The following LRRC53 variants were observed in gnomAD, a reference collection of about 807,000 sequenced individuals.
LRRC53 encodes leucine rich repeat containing 53.
LRRC53 carries 25 observed loss-of-function variants against 13.6 expected under a neutral mutation model. The observed-to-expected ratio is 1.83, with a 90% CI of 1.34 to 2.56. The LOEUF is 2.56. LRRC53 is among the 30% of genes most tolerant of loss of function. The pLI, the probability that LRRC53 is intolerant of heterozygous loss-of-function variation, is 0.00. For synonymous variants in LRRC53, 204 were observed against 109.8 expected, an observed-to-expected ratio of 1.86 and a Z score of -5.37; for missense variants, 527 against 275.8, an observed-to-expected ratio of 1.91 and a Z score of -6.45.
chr1:74,525,700 T>C, the LRRC53 span, among the ~76,000 whole-genome samples: 3 of 152,126 alleles, frequency 2.0e-5, no homozygotes, highest in Admixed American at 2.0e-4. Context: ...AATATGACCA[T>C]GGAGGCCTGG....
chr1:74,514,347 A>G (rs1008863697), upstream of LRRC53, among the ~76,000 whole-genome samples: 1 of 152,196 alleles, frequency 6.6e-6, no homozygotes, highest in African/African-American at 2.4e-5. Flanking sequence ...GCTTTTGGCA[A>G]TTTGTGTGAT....
At chr1:74,494,994 GC>G (rs1669254013) in intron 1 of LRRC53, among the ~76,000 whole-genome samples, 2 of 152,184 alleles carry the variant, frequency 1.3e-5, no homozygotes, top group African/African-American at 4.8e-5. Context: ...AGCTTCTCTA[GC>G]CTTCAAGAAT....
chr1:74,505,119 A>T (rs1669827716), intron 1 of LRRC53, among the ~76,000 whole-genome samples: 1 of 152,036 alleles, frequency 6.6e-6, no homozygotes, highest in South Asian at 2.1e-4. Flanking sequence ...GCCCGGGCCC[A>T]CTCTTAAGCA....
intron 4 of LRRC53, 59 bp downstream of exon 4, chr1:74,475,236 G>A (rs776793318): frequency 5.6e-5 from 34 of 611,170 alleles, no homozygotes; most frequent in Non-Finnish European, 9.2e-5. Context: ...AAGGAGGGAG[G>A]CTCCCTCCTT....
At chr1:74,485,895 C>G (rs145527996) in intron 1 of LRRC53, among the ~76,000 whole-genome samples, 1 of 152,120 alleles carries the variant, frequency 6.6e-6, no homozygotes, top group Non-Finnish European at 1.5e-5. Context: ...ACAACCAATG[C>G]GCTTAAAAGA....
the LRRC53 span, among the ~76,000 whole-genome samples, chr1:74,536,843 G>A: frequency 2.0e-5 from 3 of 152,056 alleles, no homozygotes; most frequent in African/African-American, 7.2e-5. Flanking sequence ...AATTCCTGAG[G>A]CAGCTGCATC....
chr1:74,495,023 T>A (rs1296581296), intron 1 of LRRC53, among the ~76,000 whole-genome samples: 1 of 152,226 alleles, frequency 6.6e-6, no homozygotes, highest in African/African-American at 2.4e-5. Flanking sequence ...TGTATACCAC[T>A]ACTAATTTTT....
the LRRC53 span, among the ~76,000 whole-genome samples, chr1:74,533,508 T>C: frequency 0.029 from 3,782 of 130,306 alleles, no homozygotes; most frequent in African/African-American, 0.036. Flanking sequence ...GTGTGGTGAT[T>C]CCTCAGGGAT....
intron 1 of LRRC53, among the ~76,000 whole-genome samples, chr1:74,509,451 A>C (rs1670067532): frequency 6.6e-6 from 1 of 152,180 alleles, no homozygotes; most frequent in African/African-American, 2.4e-5. Flanking sequence ...AGAACTAACA[A>C]ATCTAAATTT....
intron 1 of LRRC53, among the ~76,000 whole-genome samples, chr1:74,495,246 A>G (rs775965191): frequency 8.5e-5 from 13 of 152,240 alleles, no homozygotes; most frequent in Non-Finnish European, 1.9e-4. Flanking sequence ...TCAGTTTGTT[A>G]GTACCATTCC....
intron 1 of LRRC53, among the ~76,000 whole-genome samples, chr1:74,491,225 G>A (rs947536236): frequency 2.6e-5 from 4 of 152,082 alleles, no homozygotes; most frequent in African/African-American, 9.7e-5. Flanking sequence ...GTTTTTGTTT[G>A]TTTGTTTGTT....
chr1:74,521,106 G>T, the LRRC53 span, among the ~76,000 whole-genome samples: 1 of 152,128 alleles, frequency 6.6e-6, no homozygotes, highest in Non-Finnish European at 1.5e-5. Context: ...AATATTTTTA[G>T]ATAATGTCCT....
rs192960027 is a variant in LRRC53 at position 74,493,902 on chromosome 1, T to A, written c.-26-10527A>T. On this transcript the variant is annotated intron_variant, in intron 1 of 4. Transcript: ENST00000294635. ...ACATCAATAGGAAGAAAAAATATACTTGATTTTTAGTGGGAAGAATTGCAA... is the reference window on the plus strand; with the variant it reads ...ACATCAATAGGAAGAAAAAATATACATGATTTTTAGTGGGAAGAATTGCAA... 1.4e-3 allele frequency among the ~76,000 whole-genome samples: 211 copies of A among 152,318 alleles called. 3 individuals are homozygous for A. The highest frequency in any genetic ancestry group is 3.7e-4 in the Non-Finnish European group (25 of 68,030).
chr1:74,484,870 G>A (rs1477361924), intron 1 of LRRC53, among the ~76,000 whole-genome samples: 1 of 152,188 alleles, frequency 6.6e-6, no homozygotes, highest in Non-Finnish European at 1.5e-5. Flanking sequence ...TTTAACTACT[G>A]AGTTGGGAAC....
upstream of LRRC53, among the ~76,000 whole-genome samples, chr1:74,516,500 CTG>C (rs1646350082): frequency 6.6e-6 from 1 of 152,110 alleles, no homozygotes; most frequent in Non-Finnish European, 1.5e-5. Flanking sequence ...GTGAGAAAAA[CTG>C]TGAGAAAGAA....
At chr1:74,528,914 A>C in the LRRC53 span, among the ~76,000 whole-genome samples, 2 of 152,220 alleles carry the variant, frequency 1.3e-5, no homozygotes, top group African/African-American at 4.8e-5. Context: ...AAAACAAGAA[A>C]ATAAGCCTGA....
At chr1:74,517,371 A>G (rs79641852), upstream of LRRC53, among the ~76,000 whole-genome samples, 5,362 of 152,268 alleles carry the variant, frequency 0.035, 313 homozygotes, top group African/African-American at 0.12. Context: ...ATTAGTATCA[A>G]AAATTTTCTG....
intron 1 of LRRC53, among the ~76,000 whole-genome samples, chr1:74,487,720 A>G (rs775935515): frequency 6.6e-6 from 1 of 152,214 alleles, no homozygotes; most frequent in Non-Finnish European, 1.5e-5. Flanking sequence ...GTAGGTAGGT[A>G]GAAAGAAGAG....
At chr1:74,487,481 T>C (rs936817556) in intron 1 of LRRC53, among the ~76,000 whole-genome samples, 2 of 152,124 alleles carry the variant, frequency 1.3e-5, no homozygotes, top group Non-Finnish European at 2.9e-5. Context: ...AGGGTCAAGA[T>C]TTTGAAGTGA....
Sources: gnomAD v4.1 joint callset for allele counts (sites outside exome capture counted in the v4.1 genomes callset) on GRCh38, gnomAD v4.1.1 for gene constraint, MANE v1.5 for transcripts, NCBI Gene and HGNC (gene_info 2026-07-23, HGNC 2026-07-21) for gene names.